Variants in PDCD1LG2 observed in about 807,000 individuals in gnomAD.
The protein encoded by PDCD1LG2 is B7 dendritic cell molecule.
A neutral mutation model predicts 28.2 loss-of-function variants in PDCD1LG2; 32 were observed. The observed-to-expected ratio is 1.13, with a 90% CI of 0.86 to 1.52. The LOEUF (loss-of-function observed/expected upper bound fraction) is 1.52. PDCD1LG2 is among the 40% of genes most tolerant of loss of function. The pLI is 0.00. For missense variants in PDCD1LG2, 385 were observed against 323.8 expected (o/e 1.19, Z -1.45); for synonymous variants, 116 against 120.2 (o/e 0.97, Z 0.23).
chr9:5,563,582 G>C (rs1816609528), intron 6 of PDCD1LG2, among the ~76,000 whole-genome samples: 1 of 152,228 alleles, frequency 6.6e-6, no homozygotes, highest in African/African-American at 2.4e-5. Context: ...TGAGTCAAGA[G>C]TAATATGGGA....
At chr9:5,563,902 A>G (rs1816615591) in intron 6 of PDCD1LG2, among the ~76,000 whole-genome samples, 1 of 152,240 alleles carries the variant, frequency 6.6e-6, no homozygotes, top group Admixed American at 6.5e-5. Flanking sequence ...AAGCCAACCT[A>G]CATCATGGGA....
intron 6 of PDCD1LG2, among the ~76,000 whole-genome samples, chr9:5,566,653 A>G (rs752417962): frequency 9.9e-5 from 15 of 152,188 alleles, no homozygotes; most frequent in South Asian, 2.1e-4. Flanking sequence ...ATGAACAAGA[A>G]TAAGCTTTTG....
chr9:5,521,338 A>G (rs574422909), intron 1 of PDCD1LG2, among the ~76,000 whole-genome samples: 103 of 152,360 alleles, frequency 6.8e-4, no homozygotes, highest in African/African-American at 2.3e-3. Flanking sequence ...AAAACCACAG[A>G]GTCGTGCACT....
At chr9:5,531,855 T>C (rs539386502) in intron 2 of PDCD1LG2, among the ~76,000 whole-genome samples, 19 of 152,328 alleles carry the variant, frequency 1.2e-4, no homozygotes, top group African/African-American at 4.3e-4. Flanking sequence ...AGAAGTATTA[T>C]AGAAGAGTAA....
At chr9:5,564,002 C>A (rs1321264890) in intron 6 of PDCD1LG2, among the ~76,000 whole-genome samples, 1 of 152,156 alleles carries the variant, frequency 6.6e-6, no homozygotes. Flanking sequence ...TAGCATTTGA[C>A]TAAGCAACTG....
chr9:5,565,379 T>A (rs1392581584), intron 6 of PDCD1LG2, among the ~76,000 whole-genome samples: 1 of 152,174 alleles, frequency 6.6e-6, no homozygotes, highest in Non-Finnish European at 1.5e-5. Flanking sequence ...AACTGGGGTC[T>A]CACTATGTTG....
At chr9:5,532,726 T>G (rs1820506263) in intron 2 of PDCD1LG2, among the ~76,000 whole-genome samples, 1 of 152,180 alleles carries the variant, frequency 6.6e-6, no homozygotes, top group Non-Finnish European at 1.5e-5. Flanking sequence ...ACTGTCCTGG[T>G]TAGTAAAATA....
chr9:5,540,794 A>G (rs1372813225), intron 3 of PDCD1LG2, among the ~76,000 whole-genome samples: 2 of 152,190 alleles, frequency 1.3e-5, no homozygotes, highest in Non-Finnish European at 2.9e-5. Flanking sequence ...TCAAAGAAGA[A>G]TTGGTACCAA....
At chr9:5,549,649 A>G (rs2129879851) in intron 4 of PDCD1LG2, 45 bp downstream of exon 4, 1 of 1,603,674 alleles carries the variant, frequency 6.2e-7, no homozygotes, top group Non-Finnish European at 8.5e-7. Flanking sequence ...TAGGGTTCAG[A>G]CAAGAAACAG....
At chr9:5,542,532 G>T (rs1183666004) in intron 3 of PDCD1LG2, among the ~76,000 whole-genome samples, 1 of 152,188 alleles carries the variant, frequency 6.6e-6, no homozygotes, top group Non-Finnish European at 1.5e-5. Flanking sequence ...CTAAGGACAT[G>T]AATAGACAAT....
At chr9:5,537,538 A>G (rs1820604156) in intron 3 of PDCD1LG2, among the ~76,000 whole-genome samples, 1 of 152,260 alleles carries the variant, frequency 6.6e-6, no homozygotes, top group Admixed American at 6.5e-5. Context: ...ACCATAGAAT[A>G]CTATGCAGCC....
chr9:5,533,427 T>G (rs1316406776), intron 2 of PDCD1LG2, among the ~76,000 whole-genome samples: 3 of 152,174 alleles, frequency 2.0e-5, no homozygotes, highest in Non-Finnish European at 2.9e-5. Flanking sequence ...TCATTTGCAC[T>G]GGTAAATAGA....
chr9:5,553,149 G>A (rs1816371563), intron 4 of PDCD1LG2, among the ~76,000 whole-genome samples: 1 of 152,012 alleles, frequency 6.6e-6, no homozygotes, highest in South Asian at 2.1e-4. Flanking sequence ...GGGGAGAGGA[G>A]GTAGGGAGGG....
At chr9:5,518,640 A>G (rs1820214166) in intron 1 of PDCD1LG2, among the ~76,000 whole-genome samples, 2 of 152,136 alleles carry the variant, frequency 1.3e-5, no homozygotes, top group South Asian at 4.1e-4. Flanking sequence ...CTGCTGTAAG[A>G]TCTCCCTTTC....
chr9:5,558,566 T>C (rs1712982491), intron 5 of PDCD1LG2, among the ~76,000 whole-genome samples: 1 of 152,216 alleles, frequency 6.6e-6, no homozygotes, highest in Admixed American at 6.5e-5. Flanking sequence ...AGAAATGACA[T>C]GTGGAAATAA....
intron 2 of PDCD1LG2, among the ~76,000 whole-genome samples, chr9:5,530,828 A>T (rs868144312): frequency 6.6e-6 from 1 of 152,212 alleles, no homozygotes; most frequent in African/African-American, 2.4e-5. Context: ...TTATAACTCT[A>T]CTTCTCAAAC....
chr9:5,537,680 G>C (rs911290664), intron 3 of PDCD1LG2, among the ~76,000 whole-genome samples: 1 of 152,150 alleles, frequency 6.6e-6, no homozygotes, highest in Non-Finnish European at 1.5e-5. Flanking sequence ...ATTGAACAAT[G>C]AGAACACATG....
intron 4 of PDCD1LG2, 95 bp from the exon 5 acceptor site, chr9:5,557,523 T>A (rs922805712): frequency 2.8e-6 from 4 of 1,415,498 alleles, no homozygotes; most frequent in Non-Finnish European, 3.0e-6. Context: ...TCCACAGAGC[T>A]AGCCGTGTTG....
chr9:5,565,992 T>G (rs1333777135), intron 6 of PDCD1LG2, among the ~76,000 whole-genome samples: 3 of 152,102 alleles, frequency 2.0e-5, no homozygotes, highest in Admixed American at 2.0e-4. Context: ...TGGTTAAGAT[T>G]TTAATATTGC....
Sources: allele counts gnomAD v4.1 joint callset (sites outside exome capture counted in the v4.1 genomes callset), GRCh38; gene constraint gnomAD v4.1.1; transcripts MANE v1.5; gene names NCBI Gene and HGNC (gene_info 2026-07-23, HGNC 2026-07-21).